Variants in RFTN1 observed in about 807,000 individuals in gnomAD.
RFTN1 encodes raftlin, lipid raft linker 1.
In RFTN1, 26 loss-of-function variants were observed where a neutral mutation model predicts 46.5. The observed-to-expected ratio is 0.56, with a 90% CI of 0.41 to 0.78. The LOEUF (loss-of-function observed/expected upper bound fraction) is 0.78. Among genes scored for constraint, RFTN1 ranks in the 30% least tolerant of loss-of-function variants. The pLI is 0.00. For missense variants in RFTN1, 693 were observed against 718.7 expected, an observed-to-expected ratio of 0.96 and a Z score of 0.41; for synonymous variants, 261 against 284.2, an observed-to-expected ratio of 0.92 and a Z score of 0.82.
Position 16,326,827 on chromosome 3 carries a change from G to A in RFTN1, c.1196C>T (p.Ala399Val). ...DYVPLLNSLAAYGWQLTCVLP... is the reference protein window; with the variant it reads ...DYVPLLNSLAVYGWQLTCVLP... ...CACACAGGTGAGCTGCCAGCCATAG[G>A]CCGCCAGCGAGTTCAGCAGGGGCAC... is the stretch of plus-strand genomic sequence containing the variant. The change falls in exon 8 of 10, where the codon GCC becomes GTC. Residue 399 changes from alanine to valine, a missense_variant. By Grantham distance (64) the Ala-to-Val change is moderately conservative. Coordinates refer to ENST00000334133, the MANE Select transcript of RFTN1 (RefSeq NM_015150.2). 1.2e-6 allele frequency: 2 copies of A among 1,614,124 alleles called. No individual in the cohort carries two copies. The highest frequency in any genetic ancestry group is 2.7e-5 in the African/African-American group (2 of 75,044).
At chr3:16,431,167 G>T (rs2075379259) in intron 3 of RFTN1, among the ~76,000 whole-genome samples, 1 of 152,214 alleles carries the variant, frequency 6.6e-6, no homozygotes, top group Non-Finnish European at 1.5e-5. Context: ...TAGTAGCCAA[G>T]TGCAGCCTAG....
intron 2 of RFTN1, 97 bp from the exon 3 acceptor site, chr3:16,434,134 T>A: frequency 1.0e-6 from 1 of 967,400 alleles, no homozygotes; most frequent in East Asian, 2.6e-5. Context: ...GAGGATCCTC[T>A]AGGTCACTGC....
In RFTN1 at chr3:16,403,652, A is replaced by ATT. The variant is rs1273319202; in HGVS notation, c.441+5722_441+5723insAA. On this transcript the variant is annotated intron_variant, in intron 4 of 9. Transcript: ENST00000334133. ...TGTATATAATATATAATATATATAT[A>ATT]ATATATATTTTATGTATATAATATA... Among the ~76,000 whole-genome samples, 69 of 32,604 alleles carry ATT rather than the reference A, an allele frequency of 2.1e-3. 6 individuals carry two copies. The highest frequency in any genetic ancestry group is 9.3e-3 in the Middle Eastern group (1 of 108). The allele number at this position is 32,604 out of a possible 152,430, so 21.4% of individuals were successfully genotyped here.
intron 2 of RFTN1, among the ~76,000 whole-genome samples, chr3:16,436,434 G>A (rs1325817845): frequency 6.6e-6 from 1 of 151,078 alleles, no homozygotes; most frequent in Admixed American, 6.6e-5. Flanking sequence ...CCCGCTCACT[G>A]CAAACTCTAC....
chr3:16,463,334 C>T (rs958263188), intron 2 of RFTN1, among the ~76,000 whole-genome samples: 30 of 152,226 alleles, frequency 2.0e-4, no homozygotes, highest in African/African-American at 6.7e-4. Flanking sequence ...CACTGTGCCC[C>T]ACTTGTCTCT....
At chr3:16,379,173 GA>G (rs1407162625) in intron 4 of RFTN1, among the ~76,000 whole-genome samples, 2 of 152,194 alleles carry the variant, frequency 1.3e-5, no homozygotes, top group Admixed American at 6.5e-5. Flanking sequence ...CCTCATTTGA[GA>G]GTCAGTTTTG....
intron 4 of RFTN1, among the ~76,000 whole-genome samples, chr3:16,401,688 C>T (rs575958968): frequency 6.6e-6 from 1 of 152,368 alleles, no homozygotes; most frequent in Admixed American, 6.5e-5. Flanking sequence ...ACTGGTCCTT[C>T]ACCACAGATA....
chr3:16,365,520 T>C (rs951051218), intron 6 of RFTN1, among the ~76,000 whole-genome samples: 1 of 152,196 alleles, frequency 6.6e-6, no homozygotes, highest in Non-Finnish European at 1.5e-5. Flanking sequence ...ATGGAGGATA[T>C]GCTAGGTGTC....
rs1193374591 is a variant in RFTN1 at position 16,383,204 on chromosome 3, A to G, written c.442-5102T>C. ...CCTCTTCAACGATACCACTCTTTCC[A>G]CTTCAGATAATCTGACCTGTGCCAA... On this transcript the variant is annotated intron_variant, in intron 4 of 9. Coordinates refer to ENST00000334133, the MANE Select transcript of RFTN1 (RefSeq NM_015150.2). The surrounding 1 kb of genome is among the most constrained non-coding windows in gnomAD (Gnocchi z 4.0). Among the ~76,000 whole-genome samples, 1 of 152,056 alleles carries G rather than the reference A, an allele frequency of 6.6e-6. No homozygotes were observed. The highest frequency in any genetic ancestry group is 1.5e-5 in the Non-Finnish European group (1 of 68,004).
rs1171060596 is a variant in RFTN1 at position 16,477,199 on chromosome 3, T to G, written c.145+16526A>C. ...GGAAAAAGGAGTAAATTATTTGGTT[T>G]TTTTCCTGAAACTGGATTAATCACC... On this transcript the variant is annotated intron_variant, in intron 2 of 9. Coordinates refer to ENST00000334133, the MANE Select transcript of RFTN1 (RefSeq NM_015150.2). Among the ~76,000 whole-genome samples the G allele has an allele frequency of 5.9e-5, 9 of 152,208 alleles. No individual in the cohort carries two copies. The East Asian group carries it at 1.7e-3, about 29-fold the overall frequency.
chr3:16,365,870 C>A (rs1021122220), intron 6 of RFTN1, among the ~76,000 whole-genome samples: 9 of 152,018 alleles, frequency 5.9e-5, no homozygotes, highest in Non-Finnish European at 1.3e-4. Context: ...TTCAAGCAGT[C>A]AGGGAAAGAA....
In RFTN1 at chr3:16,357,969, T is replaced by A; in HGVS notation, c.1109A>T (p.Tyr370Phe). 2 of 1,612,430 alleles carry A rather than the reference T, an allele frequency of 1.2e-6. No homozygotes were observed. Among genetic ancestry groups the A allele is most frequent in the Non-Finnish European group, 1.7e-6 (2 of 1,179,486 alleles). ...STEDSKTIQG[Y>F]DAIVVEQWTV... ...CCATTGTTCAACCACAATAGCATCA[T>A]AGCCCTGTATGGTTTTGCTATCTTC... The change falls in exon 7 of 10, where the codon TAT (tyrosine) becomes TTT (phenylalanine). Residue 370 changes from tyrosine (Y) to phenylalanine (F), a missense_variant. Coordinates refer to ENST00000334133, the MANE Select transcript of RFTN1 (RefSeq NM_015150.2).
At position 16,466,927 on chromosome 3, in the gene RFTN1, A is replaced by G. The variant is rs904815896; in HGVS notation, c.145+26798T>C. On this transcript the variant is annotated intron_variant, in intron 2 of 9. Coordinates refer to ENST00000334133, the MANE Select transcript of RFTN1 (RefSeq NM_015150.2). The surrounding 1 kb of genome is among the most constrained non-coding windows in gnomAD (Gnocchi z 5.6). Reference sequence around the variant, plus strand: ...GGGAGGGAGGATAAAAAGGAAGGTCACTCTGATTGAAGAGGAGATGGTTAG... The same window carrying G: ...GGGAGGGAGGATAAAAAGGAAGGTCGCTCTGATTGAAGAGGAGATGGTTAG... Among the ~76,000 whole-genome samples the G allele has an allele frequency of 1.1e-4, 16 of 152,260 alleles. No individual in the cohort carries two copies. Among genetic ancestry groups the G allele is most frequent in the South Asian group, 8.3e-4 (4 of 4,816 alleles).
chr3:16,382,775 C>T lies in RFTN1; in HGVS notation c.442-4673G>A, dbSNP rs150922020. Among the ~76,000 whole-genome samples the T allele has an allele frequency of 1.2e-4, 19 of 152,306 alleles. No homozygotes were observed. Among genetic ancestry groups the T allele is most frequent in the Non-Finnish European group, 1.9e-4 (13 of 68,024 alleles). ...CCAGTGTTTCTGGAATTACTTCCTCCTTCTCCATAAAGTGACCATCCAAGC... is the reference window on the plus strand; with the variant it reads ...CCAGTGTTTCTGGAATTACTTCCTCTTTCTCCATAAAGTGACCATCCAAGC... On this transcript the variant is annotated intron_variant, in intron 4 of 9. Transcript: ENST00000334133. This position sits in a 1 kb window ranked among gnomAD's most constrained non-coding sequence, Gnocchi z 4.7.
intron 1 of RFTN1, among the ~76,000 whole-genome samples, chr3:16,495,063 C>T (rs983671165): frequency 6.6e-5 from 10 of 152,030 alleles, no homozygotes; most frequent in African/African-American, 2.4e-4. Context: ...GACAACCAGG[C>T]TCTACTTTTC....
chr3:16,431,828 C>A (rs1308135237), intron 3 of RFTN1, among the ~76,000 whole-genome samples: 1 of 152,166 alleles, frequency 6.6e-6, no homozygotes, highest in Non-Finnish European at 1.5e-5. Context: ...AAGATATCCT[C>A]CCCCACTTTC....
chr3:16,480,994 C>CAGAG lies in RFTN1; in HGVS notation c.145+12730_145+12731insCTCT, dbSNP rs2076356584. Among the ~76,000 whole-genome samples, 1 of 111,698 alleles carries CAGAG rather than the reference C, an allele frequency of 9.0e-6. No individual in the cohort carries two copies. The allele number at this position is 111,698 out of a possible 152,430, so 73.3% of individuals were successfully genotyped here. ...ACACATATGCACATGCACACACACA[C>CAGAG]ACAGACACACACACACACACACACA... On this transcript the variant is annotated intron_variant, in intron 2 of 9. Coordinates refer to ENST00000334133, the MANE Select transcript of RFTN1 (RefSeq NM_015150.2). The surrounding 1 kb of genome is among the most constrained non-coding windows in gnomAD (Gnocchi z 4.3).
chr3:16,450,506 C>T lies in RFTN1; in HGVS notation c.146-16469G>A, dbSNP rs1252286934. 6.6e-6 allele frequency among the ~76,000 whole-genome samples: 1 copy of T among 152,180 alleles called. No homozygotes were observed. Among genetic ancestry groups the T allele is most frequent in the Non-Finnish European group, 1.5e-5 (1 of 68,046 alleles). On this transcript the variant is annotated intron_variant, in intron 2 of 9. Coordinates refer to ENST00000334133, the MANE Select transcript of RFTN1 (RefSeq NM_015150.2). This position sits in a 1 kb window ranked among gnomAD's most constrained non-coding sequence, Gnocchi z 4.6. ...TGCATGACCTGAAGTCCACCAGCAT[C>T]CTGTTCAGGTTAACATGTCTCCCAT...
Position 16,446,223 on chromosome 3 carries a change from T to A in RFTN1, c.146-12186A>T, listed in dbSNP as rs1405107118. The stretch of plus-strand genomic sequence containing the variant: ...AAGCAGATTAGCCACAAGACCAAGA[T>A]GAAAGAACCATAATGAGTCCTGGAA... On this transcript the variant is annotated intron_variant, in intron 2 of 9. Coordinates refer to ENST00000334133, the MANE Select transcript of RFTN1 (RefSeq NM_015150.2). This position sits in a 1 kb window ranked among gnomAD's most constrained non-coding sequence, Gnocchi z 4.5. 6.6e-6 allele frequency among the ~76,000 whole-genome samples: 1 copy of A among 150,692 alleles called. No individual in the cohort carries two copies. The highest frequency in any genetic ancestry group is 6.6e-5 in the Admixed American group (1 of 15,120).
Sources: gnomAD v4.1 joint callset for allele counts (sites outside exome capture counted in the v4.1 genomes callset) on GRCh38, gnomAD v4.1.1 for gene constraint, Gnocchi (gnomAD v3.1) non-coding constraint, MANE v1.5 for transcripts, NCBI Gene and HGNC (gene_info 2026-07-23, HGNC 2026-07-21) for gene names.